The following LRRC71 variants were observed in gnomAD, a reference collection of about 807,000 sequenced individuals.
The protein encoded by LRRC71 is leucine-rich repeat-containing protein 71.
Under a neutral mutation model 66.6 loss-of-function variants are expected in LRRC71, and 54 were observed. The observed-to-expected ratio is 0.81, with a 90% CI of 0.65 to 1.02. The LOEUF (loss-of-function observed/expected upper bound fraction) is 1.02, where lower values mean the gene tolerates loss of function less well. LRRC71 is among the 50% of genes least tolerant of loss of function. LRRC71 has a pLI of 0.00. For synonymous variants in LRRC71, 323 were observed against 303.9 expected (o/e 1.06, Z -0.65); for missense variants, 724 against 718.0 (o/e 1.01, Z -0.10).
At chr1:156,928,405 T>TTCTTCTTCTTCTTCC in intron 9 of LRRC71, among the ~76,000 whole-genome samples, 2 of 126,622 alleles carry the variant, frequency 1.6e-5, no homozygotes, top group Admixed American at 1.6e-4. Context: ...CTTCTTCTTC[T>TTCTTCTTCTTCTTCC]TCCTCTTATT....
intron 13 of LRRC71, 176 bp downstream of exon 13, chr1:156,932,203 G>C (rs1041543126): frequency 1.5e-6 from 1 of 667,538 alleles, no homozygotes; most frequent in Non-Finnish European, 2.6e-6. Context: ...CTGAGTCTGG[G>C]AGGAGGCTGA....
Position 156,920,707 on chromosome 1 carries a change from TC to T in LRRC71, c.-93del. On this transcript the variant is annotated 5_prime_UTR_variant, in exon 1 of 15. Coordinates refer to ENST00000337428, the MANE Select transcript of LRRC71 (RefSeq NM_144702.3). The surrounding 1 kb of genome is among the most constrained non-coding windows in gnomAD (Gnocchi z 4.9). ...CCGGTCCCTGGACGCGGAACAGAGA[TC>T]CCCTGATTCAGCCACCCCCAGACTG... is the stretch of plus-strand genomic sequence containing the variant. 7.6e-7 allele frequency: 1 copy of T among 1,310,138 alleles called. No homozygotes were observed. Among genetic ancestry groups the T allele is most frequent in the Non-Finnish European group, 9.8e-7 (1 of 1,016,466 alleles). The allele number at this position is 1,310,138 out of a possible 1,614,324, so 81.2% of individuals were successfully genotyped here.
intron 11 of LRRC71, among the ~76,000 whole-genome samples, chr1:156,930,048 T>TTCTTTCTTTC (rs1373297804): frequency 4.4e-5 from 6 of 135,070 alleles, no homozygotes; most frequent in African/African-American, 1.8e-4. Flanking sequence ...TTCTTTCTCT[T>TTCTTTCTTTC]TCTTTCTTTC....
chr1:156,921,060 T>C, intron 1 of LRRC71, 97 bp downstream of exon 1: 1 of 1,318,970 alleles, frequency 7.6e-7, no homozygotes, highest in Non-Finnish European at 1.0e-6. Flanking sequence ...GCTGAACTCA[T>C]ACATACCTAC....
At chr1:156,938,474 T>G in the LRRC71 span, 1 of 1,613,700 alleles carries the variant, frequency 6.2e-7, no homozygotes, top group African/African-American at 1.3e-5. Flanking sequence ...CTGGCCACTC[T>G]CTGGTAGTGC....
chr1:156,935,890 C>G (rs548409928), downstream of LRRC71: 1,155 of 1,262,794 alleles, frequency 9.1e-4, 6 homozygotes, highest in African/African-American at 0.015. Context: ...GTTTCCCTAA[C>G]TGCCTCCTCC....
chr1:156,935,863 G>C (rs1023569171), downstream of LRRC71: 5 of 990,212 alleles, frequency 5.0e-6, no homozygotes, highest in Admixed American at 1.2e-4. Flanking sequence ...CTCCCCCCGG[G>C]CCTTGGCTGG....
chr1:156,930,715 AG>A, intron 12 of LRRC71, 98 bp downstream of exon 12: 1 of 1,136,068 alleles, frequency 8.8e-7, no homozygotes, highest in Non-Finnish European at 1.3e-6. Context: ...TGTGGTCTCC[AG>A]CCCCATGCTG....
intron 1 of LRRC71, among the ~76,000 whole-genome samples, chr1:156,922,466 T>C (rs1287436092): frequency 6.6e-6 from 1 of 152,050 alleles, no homozygotes; most frequent in Non-Finnish European, 1.5e-5. Context: ...ATGGCTGATA[T>C]AGGAAGGTGT....
At chr1:156,940,444 G>A in the LRRC71 span, 2 of 1,587,280 alleles carry the variant, frequency 1.3e-6, no homozygotes. Context: ...GATGAGAGAA[G>A]ATTGTAAGGC....
intron 14 of LRRC71, 135 bp downstream of exon 14, chr1:156,932,680 T>C: frequency 6.3e-7 from 1 of 1,589,260 alleles, no homozygotes; most frequent in Non-Finnish European, 8.6e-7. Flanking sequence ...TTTTTAATAA[T>C]CACAACATAA....
Position 156,920,768 on chromosome 1 carries a change from G to A in LRRC71, c.-36G>A. 1 of 1,471,038 alleles carries A rather than the reference G, an allele frequency of 6.8e-7. No homozygotes were observed. The highest frequency in any genetic ancestry group is 9.0e-7 in the Non-Finnish European group (1 of 1,107,328). The allele number at this position is 1,471,038 out of a possible 1,614,324, so 91.1% of individuals were successfully genotyped here. On this transcript the variant is annotated 5_prime_UTR_variant, in exon 1 of 15. Coordinates refer to ENST00000337428, the MANE Select transcript of LRRC71 (RefSeq NM_144702.3). The surrounding 1 kb of genome is among the most constrained non-coding windows in gnomAD (Gnocchi z 4.9). ...GAGTGCGTTCTTACCTTCCTGCCCC[G>A]ACGAAGGTCCCAGAGACGCTGCGGA...
chr1:156,939,004 G>A, the LRRC71 span: 369 of 181,052 alleles, frequency 2.0e-3, no homozygotes, highest in Non-Finnish European at 3.2e-3. Context: ...TTCCCAACCC[G>A]GGGTGCCCTC....
At position 156,924,515 on chromosome 1, in the gene LRRC71, G is replaced by A. The variant is rs1652888226; in HGVS notation, c.402G>A (p.Gln134=). ...CCACCATCCAGGTGGAGCTGGAGCA[G>A]GAGGACAGCAAGTCAGTGAAGGAAA... ...FRPTIQVELE[Q]EDSKSVKEIY... The change falls in exon 3 of 15, where the codon CAG becomes CAA. Residue 134 remains glutamine, a synonymous_variant. Coordinates refer to ENST00000337428, the MANE Select transcript of LRRC71 (RefSeq NM_144702.3). 6.4e-6 allele frequency: 10 copies of A among 1,551,514 alleles called. No homozygotes were observed. The highest frequency in any genetic ancestry group is 8.7e-6 in the Non-Finnish European group (10 of 1,147,006).
chr1:156,930,091 TTC>T (rs796962240), intron 11 of LRRC71, among the ~76,000 whole-genome samples: 2,306 of 96,678 alleles, frequency 0.024, 86 homozygotes, highest in African/African-American at 0.097. Flanking sequence ...CTTTCTTTCT[TTC>T]TCTCTCTTTT....
intron 9 of LRRC71, 36 bp downstream of exon 9, chr1:156,928,040 C>A (rs760563053): frequency 1.3e-6 from 2 of 1,546,680 alleles, no homozygotes; most frequent in African/African-American, 1.4e-5. Context: ...CAGCCGAGAG[C>A]CCCTCTGACC....
At chr1:156,924,815 G>T in intron 4 of LRRC71, 97 bp downstream of exon 4, 1 of 1,500,174 alleles carries the variant, frequency 6.7e-7, no homozygotes, top group Non-Finnish European at 9.1e-7. Flanking sequence ...AGACCCTGGC[G>T]ACGGTGGGGA....
the LRRC71 span, chr1:156,940,480 G>C: frequency 6.6e-7 from 1 of 1,514,646 alleles, no homozygotes; most frequent in Non-Finnish European, 9.0e-7. Flanking sequence ...GCACGTATGG[G>C]AGAGCCTATG....
chr1:156,920,776 T>C lies in LRRC71; in HGVS notation c.-28T>C. ...TCTTACCTTCCTGCCCCGACGAAGG[T>C]CCCAGAGACGCTGCGGACAACACCA... On this transcript the variant is annotated 5_prime_UTR_variant, in exon 1 of 15. Coordinates refer to ENST00000337428, the MANE Select transcript of LRRC71 (RefSeq NM_144702.3). This position sits in a 1 kb window ranked among gnomAD's most constrained non-coding sequence, Gnocchi z 4.9. 6.7e-7 allele frequency: 1 copy of C among 1,486,182 alleles called. No individual in the cohort carries two copies. Among genetic ancestry groups the C allele is most frequent in the African/African-American group, 1.4e-5 (1 of 70,434 alleles). The allele number at this position is 1,486,182 out of a possible 1,614,324, so 92.1% of individuals were successfully genotyped here.
Sources: gnomAD v4.1 joint callset for allele counts (sites outside exome capture counted in the v4.1 genomes callset) on GRCh38, gnomAD v4.1.1 for gene constraint, Gnocchi (gnomAD v3.1) non-coding constraint, MANE v1.5 for transcripts, NCBI Gene and HGNC (gene_info 2026-07-23, HGNC 2026-07-21) for gene names.